Variants in EZR observed in about 807,000 individuals in gnomAD.
EZR encodes ezrin.
EZR carries 40 observed loss-of-function variants against 74.8 expected under a neutral mutation model. The ratio of observed to expected loss-of-function variants is 0.53; its 90% CI spans 0.42 to 0.70. The LOEUF (loss-of-function observed/expected upper bound fraction) is 0.70. Among genes scored for constraint, EZR ranks in the 30% least tolerant of loss-of-function variants. The pLI, the probability that EZR is intolerant of heterozygous loss-of-function variation, is 0.00. For synonymous variants in EZR, 341 were observed against 283.3 expected (o/e 1.20, Z -2.05); for missense variants, 678 against 755.8 (o/e 0.90, Z 1.21).
chr6:158,788,268 C>T (rs1202100930), intron 3 of EZR: 1 of 152,174 alleles, frequency 6.6e-6, no homozygotes, highest in African/African-American at 2.4e-5. Flanking sequence ...AGGCCAGAGG[C>T]TCCCTAAAGC....
At chr6:158,803,595 AT>A (rs2128574807) in intron 2 of EZR, among the ~76,000 whole-genome samples, 2 of 14,012 alleles carry the variant, frequency 1.4e-4, no homozygotes, top group Admixed American at 7.1e-4. Context: ...ATATATATAT[AT>A]ATATATATAC....
chr6:158,808,831 A>C (rs534890231), intron 2 of EZR, among the ~76,000 whole-genome samples: 1 of 152,302 alleles, frequency 6.6e-6, no homozygotes, highest in East Asian at 1.9e-4. Flanking sequence ...GCTAAACAAC[A>C]AACAAACAAA....
Position 158,771,389 on chromosome 6 carries a change from G to A in EZR, c.814C>T (p.Pro272Ser), listed in dbSNP as rs1476884910. Reference sequence around the variant, plus strand: ...ATCCGCTTGTTGATTCTCAGACGTGGGGCATAAAACACAAAGTCCTACAAA... The same window carrying A: ...ATCCGCTTGTTGATTCTCAGACGTGAGGCATAAAACACAAAGTCCTACAAA... ...KKAPDFVFYA[P>S]RLRINKRILQ... Residue 272 changes from proline to serine, a missense_variant, in exon 9 of 14, where the codon CCA becomes TCA. Transcript: ENST00000367075. The A allele has an allele frequency of 5.0e-6, 8 of 1,610,450 alleles. No individual in the cohort carries two copies. The highest frequency in any genetic ancestry group is 6.8e-6 in the Non-Finnish European group (8 of 1,177,974).
intron 2 of EZR, among the ~76,000 whole-genome samples, chr6:158,810,577 G>A (rs556801046): frequency 6.6e-6 from 1 of 152,348 alleles, no homozygotes; most frequent in East Asian, 1.9e-4. Flanking sequence ...TGGTACCCAT[G>A]TGACTGATAA....
chr6:158,779,198 G>A (rs555961691), intron 7 of EZR, among the ~76,000 whole-genome samples: 80 of 152,304 alleles, frequency 5.3e-4, no homozygotes, highest in African/African-American at 1.9e-3. Context: ...TACCAAAAAT[G>A]TAAAACTCCA....
At position 158,766,816 on chromosome 6, in the gene EZR, G is replaced by A; in HGVS notation, c.*98C>T. On this transcript the variant is annotated 3_prime_UTR_variant, in exon 14 of 14. Coordinates refer to ENST00000367075, the MANE Select transcript of EZR (RefSeq NM_001111077.2). ...CTGCTTTCTAAAGGAACTGGGATCT[G>A]AGGGAGTTCCTAGACTTGGAGCACT... The A allele has an allele frequency of 8.4e-7, 1 of 1,190,710 alleles. No individual in the cohort carries two copies. The highest frequency in any genetic ancestry group is 1.4e-5 in the South Asian group (1 of 70,456). The allele number at this position is 1,190,710 out of a possible 1,614,324, so 73.8% of individuals were successfully genotyped here. A position where few individuals can be genotyped will look rare whatever the true frequency, so the allele number is the denominator to read the frequency against.
At chr6:158,783,931 G>A (rs1239398394) in intron 6 of EZR, among the ~76,000 whole-genome samples, 1 of 152,164 alleles carries the variant, frequency 6.6e-6, no homozygotes, top group African/African-American at 2.4e-5. Flanking sequence ...ATTCACACTG[G>A]TTTCTCTAAC....
intron 2 of EZR, among the ~76,000 whole-genome samples, chr6:158,795,673 T>C (rs1777054999): frequency 1.3e-5 from 2 of 152,116 alleles, no homozygotes; most frequent in South Asian, 4.2e-4. Context: ...CCGAGTGGCT[T>C]ACACATTAAT....
At chr6:158,802,819 C>T (rs569957016) in intron 2 of EZR, among the ~76,000 whole-genome samples, 10 of 152,212 alleles carry the variant, frequency 6.6e-5, no homozygotes, top group Admixed American at 2.0e-4. Flanking sequence ...TGTGAGCCAC[C>T]GCGCCCGGCC....
intron 2 of EZR, among the ~76,000 whole-genome samples, chr6:158,792,978 G>A (rs745573859): frequency 6.6e-6 from 1 of 151,958 alleles, no homozygotes; most frequent in Non-Finnish European, 1.5e-5. Context: ...CAACACCCAT[G>A]GGCAATCATT....
intron 1 of EZR, 182 bp from the exon 2 acceptor site, chr6:158,818,348 C>A: frequency 4.6e-6 from 1 of 217,964 alleles, no homozygotes; most frequent in Non-Finnish European, 8.9e-6. Flanking sequence ...CGGGGCCGGG[C>A]CGGGCCCCCG....
chr6:158,785,642 C>T (rs1023460830), intron 4 of EZR, 59 bp from the exon 5 acceptor site: 3 of 1,592,014 alleles, frequency 1.9e-6, no homozygotes, highest in Middle Eastern at 1.7e-4. Flanking sequence ...CCACTGTCCC[C>T]AACACAGGCT....
intron 4 of EZR, 89 bp downstream of exon 4, chr6:158,787,018 CA>C: frequency 9.4e-7 from 1 of 1,062,648 alleles, no homozygotes; most frequent in East Asian, 2.4e-5. Flanking sequence ...GAACAGAAAA[CA>C]AAAGACAGGG....
At chr6:158,807,509 C>G (rs1243621674) in intron 2 of EZR, among the ~76,000 whole-genome samples, 1 of 152,118 alleles carries the variant, frequency 6.6e-6, no homozygotes, top group African/African-American at 2.4e-5. Flanking sequence ...CAAACCCTTG[C>G]AAAAACAAGT....
At chr6:158,781,723 G>A (rs1374966836) in intron 7 of EZR, among the ~76,000 whole-genome samples, 2 of 142,960 alleles carry the variant, frequency 1.4e-5, no homozygotes, top group South Asian at 4.5e-4. Flanking sequence ...AGGGTCTCCC[G>A]GAAAGATGGT....
At chr6:158,810,148 G>C (rs1777423473) in intron 2 of EZR, among the ~76,000 whole-genome samples, 1 of 152,178 alleles carries the variant, frequency 6.6e-6, no homozygotes, top group African/African-American at 2.4e-5. Flanking sequence ...TCAATAAAAG[G>C]TGGGTCATGG....
chr6:158,785,624 A>G, intron 4 of EZR, 41 bp from the exon 5 acceptor site: 2 of 1,603,106 alleles, frequency 1.2e-6, no homozygotes, highest in East Asian at 4.5e-5. Flanking sequence ...AATCCGGAAG[A>G]CGAAGGCCCA....
chr6:158,781,769 T>A (rs542510486), intron 7 of EZR, among the ~76,000 whole-genome samples: 1 of 148,488 alleles, frequency 6.7e-6, no homozygotes, highest in South Asian at 2.1e-4. Flanking sequence ...CCCACTTCTT[T>A]AAAATTTTTT....
At position 158,767,376 on chromosome 6, in the gene EZR, G is replaced by A. The variant is rs370434486; in HGVS notation, c.1481C>T (p.Ala494Val). Residue 494 changes from alanine to valine, a missense_variant, in exon 13 of 14, where the codon GCA becomes GTA. Ala to Val is a moderately conservative substitution (Grantham distance 64). Coordinates refer to ENST00000367075, the MANE Select transcript of EZR (RefSeq NM_001111077.2). ...HVQESLQDEG[A>V]EPTGYSAELS... ...CTCCGCGCTGTAGCCCGTGGGCTCTGCGCCCTCATCCTGCAAGCTCTCCTG... is the reference window on the plus strand; with the variant it reads ...CTCCGCGCTGTAGCCCGTGGGCTCTACGCCCTCATCCTGCAAGCTCTCCTG... 76 of 1,613,870 alleles carry A rather than the reference G, an allele frequency of 4.7e-5. No homozygotes were observed. The Middle Eastern group carries it at 4.9e-4, about 10-fold the overall frequency.
Sources: allele counts gnomAD v4.1 joint callset (sites outside exome capture counted in the v4.1 genomes callset), GRCh38; gene constraint gnomAD v4.1.1; transcripts MANE v1.5; gene names NCBI Gene and HGNC (gene_info 2026-07-23, HGNC 2026-07-21).